Variants in RDH5 observed in about 807,000 individuals in gnomAD.
RDH5 encodes the protein retinol dehydrogenase 5.
RDH5 carries 25 observed loss-of-function variants against 24.0 expected under a neutral mutation model. The observed-to-expected ratio is 1.04, with a 90% confidence interval of 0.76 to 1.46. The LOEUF (loss-of-function observed/expected upper bound fraction) is 1.46. Ranked by LOEUF, RDH5 falls within the 40% of genes most tolerant of loss-of-function variation. The probability of loss-of-function intolerance (pLI) is 0.00; values close to 1 mark genes in which losing one functional copy is unlikely to be tolerated. For synonymous variants in RDH5, 170 were observed against 175.2 expected, an observed-to-expected ratio of 0.97 and a Z score of 0.23; for missense variants, 369 against 410.3, an observed-to-expected ratio of 0.90 and a Z score of 0.87.
intron 3 of RDH5, chr12:55,722,315 T>A (rs3138138): frequency 0.64 from 122,148 of 190,640 alleles, 40,883 homozygotes; most frequent in African/African-American, 0.85. Flanking sequence ...ATGCCTGGCT[T>A]ATTTTTGTAT....
Position 55,724,340 on chromosome 12 carries a change from G to C in RDH5, c.752G>C (p.Arg251Pro). The C allele has an allele frequency of 1.2e-6, 2 of 1,614,172 alleles. No individual in the cohort carries two copies. Among genetic ancestry groups the C allele is most frequent in the Non-Finnish European group, 1.7e-6 (2 of 1,180,038 alleles). Residue 251 changes from arginine (R) to proline (P), a missense_variant, in exon 5 of 5, where the codon CGC becomes CCC. By Grantham distance (103) the Arg-to-Pro change is moderately radical. Transcript: ENST00000257895. ...FLTKYLKMQQ[R>P]IMNLICDPDL... Reference sequence around the variant, plus strand: ...GCTGCAGACCTGAAAATGCAACAGCGCATCATGAACCTGATCTGTGACCCG... The same window carrying C: ...GCTGCAGACCTGAAAATGCAACAGCCCATCATGAACCTGATCTGTGACCCG...
At chr12:55,723,821 A>G in intron 3 of RDH5, 65 bp from the exon 4 acceptor site, 1 of 1,583,134 alleles carries the variant, frequency 6.3e-7, no homozygotes, top group Non-Finnish European at 8.6e-7. Context: ...TCCCCAACCC[A>G]TGTCCCTCAA....
chr12:55,721,962 G>C lies in RDH5; in HGVS notation c.569+15G>C, dbSNP rs535559523. 14 of 1,610,986 alleles carry C rather than the reference G, an allele frequency of 8.7e-6. No homozygotes were observed. The highest frequency in any genetic ancestry group is 3.6e-4 in the Middle Eastern group (2 of 5,508). On this transcript the variant is annotated intron_variant, in intron 3 of 4. Transcript: ENST00000257895. The surrounding 1 kb of genome is among the most constrained non-coding windows in gnomAD (Gnocchi z 4.7). ...GACAGCCTGAGGTGAGGGGTACAGG[G>C]CTCTGGGTTCCAGGACTAACAGCAG...
rs1433003558 is a variant in RDH5 at position 55,721,502 on chromosome 12, TG to T, written c.310+10del. 1.2e-6 allele frequency: 2 copies of T among 1,604,156 alleles called. No individual in the cohort carries two copies. Among genetic ancestry groups the T allele is most frequent in the East Asian group, 2.2e-5 (1 of 44,882 alleles). ...TGCACGTTAAGGAAGCAGGTAAGTA[TG>T]GTAGACCACCAGGAATATGGTGTGG... is the stretch of plus-strand genomic sequence containing the variant. On this transcript the variant is annotated intron_variant, in intron 2 of 4. Coordinates refer to ENST00000257895, the MANE Select transcript of RDH5 (RefSeq NM_002905.5). The surrounding 1 kb of genome is among the most constrained non-coding windows in gnomAD (Gnocchi z 4.7).
Position 55,721,246 on chromosome 12 carries a change from G to A in RDH5, c.62G>A (p.Arg21Gln), listed in dbSNP as rs3138143. Residue 21 changes from arginine to glutamine, a missense_variant, in exon 2 of 5, where the codon CGG becomes CAG. Physicochemically the swap from Arg to Gln is conservative, Grantham distance 43 (BLOSUM62 1). Coordinates refer to ENST00000257895, the MANE Select transcript of RDH5 (RefSeq NM_002905.5). The surrounding 1 kb of genome is among the most constrained non-coding windows in gnomAD (Gnocchi z 4.7). ...LWAVLWLLRD[R>Q]QSLPASNAFV... Reference sequence around the variant, plus strand: ...GCAGTGCTGTGGTTGCTCAGGGACCGGCAGAGCCTGCCCGCCAGCAATGCC... The same window carrying A: ...GCAGTGCTGTGGTTGCTCAGGGACCAGCAGAGCCTGCCCGCCAGCAATGCC... 7.1e-5 allele frequency: 114 copies of A among 1,613,876 alleles called. No individual in the cohort carries two copies. Among genetic ancestry groups the A allele is most frequent in the Middle Eastern group, 1.6e-4 (1 of 6,084 alleles).
At chr12:55,722,314 T>G (rs1189987050) in intron 3 of RDH5, 2 of 204,536 alleles carry the variant, frequency 9.8e-6, no homozygotes, top group Non-Finnish European at 2.0e-5. Flanking sequence ...CATGCCTGGC[T>G]TATTTTTGTA....
At chr12:55,720,743 C>T (rs1876868115) in intron 1 of RDH5, 1 of 204,958 alleles carries the variant, frequency 4.9e-6, no homozygotes, top group Admixed American at 5.3e-5. Flanking sequence ...CCTCTTGGCC[C>T]TATACATCAT....
Position 55,721,758 on chromosome 12 carries a change from A to G in RDH5, c.380A>G (p.Asp127Gly), listed in dbSNP as rs1876932537. The stretch of plus-strand genomic sequence containing the variant: ...GGACCCACACCATGGCTGACCCGGG[A>G]CGATTTCCAGCGGGTGCTGAATGTG... The part of the protein sequence containing the change: ...IIGPTPWLTR[D>G]DFQRVLNVNT... The change falls in exon 3 of 5, where the codon GAC becomes GGC. Residue 127 changes from aspartate (D) to glycine (G), a missense_variant. Coordinates refer to ENST00000257895, the MANE Select transcript of RDH5 (RefSeq NM_002905.5). This position sits in a 1 kb window ranked among gnomAD's most constrained non-coding sequence, Gnocchi z 4.7. 1 of 1,613,824 alleles carries G rather than the reference A, an allele frequency of 6.2e-7. No individual in the cohort carries two copies. Among genetic ancestry groups the G allele is most frequent in the South Asian group, 1.1e-5 (1 of 91,076 alleles).
chr12:55,724,645 C>T lies in RDH5; in HGVS notation c.*100C>T. 1 of 1,065,278 alleles carries T rather than the reference C, an allele frequency of 9.4e-7. No homozygotes were observed. The highest frequency in any genetic ancestry group is 2.5e-5 in the East Asian group (1 of 39,918). 66.0% of individuals were successfully genotyped at this position (1,065,278 alleles called of 1,614,324 possible). A position where few individuals can be genotyped will look rare whatever the true frequency, so the allele number is the denominator to read the frequency against. On this transcript the variant is annotated 3_prime_UTR_variant, in exon 5 of 5. Coordinates refer to ENST00000257895, the MANE Select transcript of RDH5 (RefSeq NM_002905.5). Reference sequence around the variant, plus strand: ...CCTGGTGCCTGCCACAAAATAAGCACTAACAAAAGTGTATTGTTTAAAAAA... The same window carrying T: ...CCTGGTGCCTGCCACAAAATAAGCATTAACAAAAGTGTATTGTTTAAAAAA...
chr12:55,724,089 C>A, intron 4 of RDH5, 40 bp downstream of exon 4: 1 of 1,594,908 alleles, frequency 6.3e-7, no homozygotes. Flanking sequence ...TGAAGGGAAA[C>A]AAGTACCAGA....
Position 55,721,996 on chromosome 12 carries a change from A to G in RDH5, c.569+49A>G. The G allele has an allele frequency of 1.3e-6, 2 of 1,593,440 alleles. No individual in the cohort carries two copies. Among genetic ancestry groups the G allele is most frequent in the Non-Finnish European group, 1.7e-6 (2 of 1,168,898 alleles). On this transcript the variant is annotated intron_variant, in intron 3 of 4. Transcript: ENST00000257895. This position sits in a 1 kb window ranked among gnomAD's most constrained non-coding sequence, Gnocchi z 4.7. ...TCCAGGACTAACAGCAGCCCACTCA[A>G]CAAACGTGGGCCAGCAGAGGTGGTT...
At chr12:55,720,920 C>G (rs1051849465) in intron 1 of RDH5, 4 of 469,536 alleles carry the variant, frequency 8.5e-6, no homozygotes, top group Non-Finnish European at 1.5e-5. Context: ...GCCTCTGCTC[C>G]ATACAGCAGG....
In RDH5 at chr12:55,723,912, G is replaced by C. The variant is rs200846937; in HGVS notation, c.596G>C (p.Arg199Pro). Residue 199 changes from arginine (R) to proline (P), a missense_variant, in exon 4 of 5, where the codon CGA (arginine) becomes CCA (proline). By Grantham distance (103) the Arg-to-Pro change is moderately radical (BLOSUM62 -2). Coordinates refer to ENST00000257895, the MANE Select transcript of RDH5 (RefSeq NM_002905.5). ...CGGGATGTAGCTCATTTTGGGATACGAGTCTCCATCGTGGAGCCTGGCTTC... is the reference window on the plus strand; with the variant it reads ...CGGGATGTAGCTCATTTTGGGATACCAGTCTCCATCGTGGAGCCTGGCTTC... ...LRRDVAHFGIRVSIVEPGFFR... is the reference protein window; with the variant it reads ...LRRDVAHFGIPVSIVEPGFFR... The C allele has an allele frequency of 1.2e-6, 2 of 1,614,070 alleles. No homozygotes were observed. Among genetic ancestry groups the C allele is most frequent in the Non-Finnish European group, 1.7e-6 (2 of 1,180,024 alleles).
chr12:55,724,225 G>C, intron 4 of RDH5, 97 bp from the exon 5 acceptor site: 2 of 1,489,438 alleles, frequency 1.3e-6, no homozygotes, highest in African/African-American at 1.4e-5. Context: ...ACTGAGGAGG[G>C]GACTGAGGGT....
Position 55,721,338 on chromosome 12 carries a change from G to C in RDH5, c.154G>C (p.Gly52Arg). The C allele has an allele frequency of 1.2e-6, 2 of 1,614,016 alleles. No individual in the cohort carries two copies. Among genetic ancestry groups the C allele is most frequent in the Non-Finnish European group, 1.7e-6 (2 of 1,180,048 alleles). ...RLLALQLDQR[G>R]FRVLASCLTP... ...TCTGGCACTGCAGCTGGACCAGAGA[G>C]GCTTCCGAGTCCTGGCCAGCTGCCT... Residue 52 changes from glycine (G) to arginine (R), a missense_variant, in exon 2 of 5, where the codon GGC (glycine) becomes CGC (arginine). By Grantham distance (125) the Gly-to-Arg change is moderately radical. Coordinates refer to ENST00000257895, the MANE Select transcript of RDH5 (RefSeq NM_002905.5). The surrounding 1 kb of genome is among the most constrained non-coding windows in gnomAD (Gnocchi z 4.7).
chr12:55,720,770 A>G (rs942490782), intron 1 of RDH5: 4 of 216,344 alleles, frequency 1.8e-5, no homozygotes, highest in African/African-American at 9.4e-5. Context: ...CACAAGACCC[A>G]GGTTGCATAT....
chr12:55,724,119 C>A, intron 4 of RDH5, 70 bp downstream of exon 4: 13 of 1,557,850 alleles, frequency 8.3e-6, no homozygotes, highest in Non-Finnish European at 1.1e-5. Context: ...CCTGCATAAG[C>A]CTGCTAGGAG....
chr12:55,721,637 G>A lies in RDH5; in HGVS notation c.311-52G>A, dbSNP rs1039521851. ...TTCAGATGCTCCCAGGAAGAAGAGG[G>A]AGCTGTGGGAGTGCCTCACCTACCC... On this transcript the variant is annotated intron_variant, in intron 2 of 4. Transcript: ENST00000257895. This position sits in a 1 kb window ranked among gnomAD's most constrained non-coding sequence, Gnocchi z 4.7. 2.5e-6 allele frequency: 4 copies of A among 1,601,636 alleles called. No individual in the cohort carries two copies. In the Admixed American group the frequency reaches 6.7e-5, roughly 27 times the overall value.
chr12:55,722,009 A>C, intron 3 of RDH5, 62 bp downstream of exon 3: 1 of 1,559,448 alleles, frequency 6.4e-7, no homozygotes. Flanking sequence ...AACGTGGGCC[A>C]GCAGAGGTGG....
Sources: gnomAD v4.1 joint callset for allele counts on GRCh38, gnomAD v4.1.1 for gene constraint, Gnocchi (gnomAD v3.1) non-coding constraint, MANE v1.5 for transcripts, NCBI Gene and HGNC (gene_info 2026-07-23, HGNC 2026-07-21) for gene names.